The following VRK1 variants were observed in gnomAD, a reference collection of about 807,000 sequenced individuals.
VRK1 encodes serine/threonine-protein kinase VRK1.
Under a neutral mutation model 57.1 loss-of-function variants are expected in VRK1, and 33 were observed. The ratio of observed to expected loss-of-function variants is 0.58; its 90% CI spans 0.44 to 0.77. VRK1 has a LOEUF of 0.77. Ranked by LOEUF, VRK1 falls within the 30% of genes least tolerant of loss-of-function variation. VRK1 has a pLI of 0.00. For missense variants in VRK1, 413 were observed against 477.3 expected, an observed-to-expected ratio of 0.87 and a Z score of 1.25; for synonymous variants, 137 against 147.8, an observed-to-expected ratio of 0.93 and a Z score of 0.53.
intron 2 of VRK1, among the ~76,000 whole-genome samples, chr14:96,835,208 A>T (rs758993336): frequency 1.3e-5 from 2 of 152,208 alleles, no homozygotes; most frequent in Non-Finnish European, 2.9e-5. Flanking sequence ...AAACAGCCAG[A>T]TTCAAGATCA....
Position 96,860,614 on chromosome 14 carries a change from T to A in VRK1, c.947T>A (p.Leu316His), listed in dbSNP as rs767063063. Reference sequence around the variant, plus strand: ...TTACTAGACTACACTGAAAAACCTCTTTATGAAAATTTACGTGACATTCTT... The same window carrying A: ...TTACTAGACTACACTGAAAAACCTCATTATGAAAATTTACGTGACATTCTT... ...VKLLDYTEKPLYENLRDILLQ... is the reference protein window; with the variant it reads ...VKLLDYTEKPHYENLRDILLQ... Residue 316 changes from leucine to histidine, a missense_variant, in exon 11 of 13, where the codon CTT (leucine) becomes CAT (histidine). Transcript: ENST00000216639. The A allele has an allele frequency of 5.0e-6, 8 of 1,613,104 alleles. No individual in the cohort carries two copies. The highest frequency in any genetic ancestry group is 6.8e-6 in the Non-Finnish European group (8 of 1,179,462).
At chr14:96,854,857 G>T (rs1888087375) in intron 7 of VRK1, among the ~76,000 whole-genome samples, 1 of 152,158 alleles carries the variant, frequency 6.6e-6, no homozygotes, top group African/African-American at 2.4e-5. Context: ...ATTGCAACAA[G>T]TATTGACGGT....
intron 5 of VRK1, among the ~76,000 whole-genome samples, chr14:96,847,956 T>G (rs1166810590): frequency 2.0e-5 from 3 of 152,214 alleles, no homozygotes; most frequent in Non-Finnish European, 1.5e-5. Flanking sequence ...CTTCTAATAC[T>G]TTGGTTCATA....
intron 5 of VRK1, among the ~76,000 whole-genome samples, chr14:96,851,149 T>G (rs1190298236): frequency 6.6e-6 from 1 of 152,122 alleles, no homozygotes; most frequent in East Asian, 1.9e-4. Flanking sequence ...AATTTTTTTT[T>G]TTTTTTAATT....
rs372089106 is a variant in VRK1, at chr14:96,855,233, G to A, written c.586G>A (p.Val196Ile). The A allele has an allele frequency of 1.9e-6, 3 of 1,613,916 alleles. No individual in the cohort carries two copies. The highest frequency in any genetic ancestry group is 1.1e-5 in the South Asian group (1 of 91,078). ...NYKNPDQVYL[V>I]DYGLAYRYCP... ...GCTTGGAAATTTATAGGTGTACTTG[G>A]TAGATTATGGCCTTGCTTATCGGTA... is the stretch of plus-strand genomic sequence containing the variant. Residue 196 changes from valine to isoleucine, a missense_variant, in exon 8 of 13, where the codon GTA (valine) becomes ATA (isoleucine). This residue lies in a region of VRK1 where 151 missense variants were observed against 225.5 expected (regional missense o/e 0.67). Transcript: ENST00000216639.
At chr14:96,860,051 A>T (rs1287329517) in intron 10 of VRK1, among the ~76,000 whole-genome samples, 4 of 151,842 alleles carry the variant, frequency 2.6e-5, no homozygotes, top group African/African-American at 9.7e-5. Flanking sequence ...TTGGAAGCTG[A>T]TTTTTCTCTT....
chr14:96,822,352 A>C (rs1442345669), intron 1 of VRK1, among the ~76,000 whole-genome samples: 2 of 152,082 alleles, frequency 1.3e-5, no homozygotes, highest in Non-Finnish European at 2.9e-5. Flanking sequence ...TTTTATTTTA[A>C]ATTTTAAGAG....
chr14:96,847,376 C>G (rs760316628), intron 5 of VRK1, 32 bp downstream of exon 5: 9 of 1,562,126 alleles, frequency 5.8e-6, no homozygotes, highest in Non-Finnish European at 7.9e-6. Flanking sequence ...CTTTCTCCTT[C>G]CCTTTTGCAA....
At chr14:96,851,005 C>G (rs1324227948) in intron 5 of VRK1, among the ~76,000 whole-genome samples, 1 of 152,080 alleles carries the variant, frequency 6.6e-6, no homozygotes, top group Non-Finnish European at 1.5e-5. Context: ...GTATATGTGC[C>G]CTGGTCTCAT....
Position 96,862,076 on chromosome 14 carries a change from C to T in VRK1, c.1068+1341C>T, listed in dbSNP as rs74605001. ...CTTGTCCAGAGCAACCACCTCCCTC[C>T]GCCCAACCCCCATCCCCCTGTCCCC... On this transcript the variant is annotated intron_variant, in intron 11 of 12. Coordinates refer to ENST00000216639, the MANE Select transcript of VRK1 (RefSeq NM_003384.3). 9.0e-3 allele frequency among the ~76,000 whole-genome samples: 1,372 copies of T among 152,204 alleles called. 28 individuals are homozygous for T. Among genetic ancestry groups the T allele is most frequent in the African/African-American group, 0.031 (1,302 of 41,530 alleles).
intron 11 of VRK1, among the ~76,000 whole-genome samples, chr14:96,866,616 T>C (rs1176011932): frequency 1.3e-5 from 2 of 152,168 alleles, no homozygotes; most frequent in South Asian, 4.1e-4. Flanking sequence ...GTCCTGCTTT[T>C]GGGGAGTCAC....
rs142889550 is a variant in VRK1 at position 96,814,341 on chromosome 14, A to G, written c.-6+16894A>G. 4.1e-3 allele frequency among the ~76,000 whole-genome samples: 621 copies of G among 152,264 alleles called. 5 individuals are homozygous for G. Among genetic ancestry groups the G allele is most frequent in the African/African-American group, 0.014 (595 of 41,546 alleles). On this transcript the variant is annotated intron_variant, in intron 1 of 12. Coordinates refer to ENST00000216639, the MANE Select transcript of VRK1 (RefSeq NM_003384.3). ...TGAGAGTTATTTTTCTATGTTGTCA[A>G]TTGCAGTGTTTTAACTTGTGGCAGT...
At chr14:96,850,257 A>G (rs1014604721) in intron 5 of VRK1, among the ~76,000 whole-genome samples, 3 of 152,202 alleles carry the variant, frequency 2.0e-5, no homozygotes, top group Non-Finnish European at 4.4e-5. Context: ...AGACATGCTT[A>G]GTTTTCCTTG....
chr14:96,864,250 T>TA (rs1888497459), intron 11 of VRK1, among the ~76,000 whole-genome samples: 1 of 151,144 alleles, frequency 6.6e-6, no homozygotes, highest in Non-Finnish European at 1.5e-5. Flanking sequence ...GTGAAGTTGT[T>TA]ACGTATGTAT....
chr14:96,856,000 G>A, intron 8 of VRK1, 130 bp from the exon 9 acceptor site: 1 of 1,087,632 alleles, frequency 9.2e-7, no homozygotes, highest in Non-Finnish European at 1.3e-6. Flanking sequence ...TAGGTGAAAT[G>A]CAGTCAAAAT....
chr14:96,848,442 C>T (rs10148863), intron 5 of VRK1, among the ~76,000 whole-genome samples: 8,869 of 152,098 alleles, frequency 0.058, 266 homozygotes, highest in Middle Eastern at 0.071. Context: ...AATGCCGGAA[C>T]CAAATTGGTG....
chr14:96,811,819 A>G (rs773093348), intron 1 of VRK1, among the ~76,000 whole-genome samples: 1 of 151,446 alleles, frequency 6.6e-6, no homozygotes, highest in Non-Finnish European at 1.5e-5. Context: ...TAACTTACAT[A>G]CCATACAATT....
chr14:96,855,076 C>A, intron 7 of VRK1, 148 bp from the exon 8 acceptor site: 2 of 1,091,522 alleles, frequency 1.8e-6, no homozygotes, highest in Admixed American at 2.0e-5. Flanking sequence ...CTGTTGTTTG[C>A]ATTTTGGATC....
At chr14:96,805,383 G>T (rs1293261605) in intron 1 of VRK1, among the ~76,000 whole-genome samples, 1 of 152,180 alleles carries the variant, frequency 6.6e-6, no homozygotes, top group Admixed American at 6.5e-5. Context: ...TAGTCAGGGG[G>T]ATGTGAAAGA....
Sources: gnomAD v4.1 joint callset for allele counts (sites outside exome capture counted in the v4.1 genomes callset) on GRCh38, gnomAD v4.1.1 for gene constraint, gnomAD v4.1.1 regional missense constraint, MANE v1.5 for transcripts, NCBI Gene and HGNC (gene_info 2026-07-23, HGNC 2026-07-21) for gene names.